CLUL1: variants seen among roughly 807,000 people sequenced by gnomAD.
CLUL1 encodes the protein clusterin like 1, also known as clusterin-like protein 1.
A neutral mutation model predicts 49.4 loss-of-function variants in CLUL1; 43 were observed. The ratio of observed to expected loss-of-function variants is 0.87; its 90% confidence interval spans 0.68 to 1.12. The LOEUF (loss-of-function observed/expected upper bound fraction) is 1.12, where lower values mean the gene tolerates loss of function less well. CLUL1 is among the 50% of genes most tolerant of loss of function. The pLI is 0.00. For missense variants in CLUL1, 486 were observed against 544.4 expected (o/e 0.89, Z 1.07); for synonymous variants, 192 against 184.9 (o/e 1.04, Z -0.31).
intron 6 of CLUL1, among the ~76,000 whole-genome samples, chr18:628,883 T>A (rs577257519): frequency 1.3e-3 from 196 of 152,236 alleles, no homozygotes; most frequent in African/African-American, 4.6e-3. Context: ...TCTGCTCACC[T>A]TGGCTTCCCA....
chr18:601,676 G>A (rs528123237), intron 1 of CLUL1, among the ~76,000 whole-genome samples: 224 of 151,264 alleles, frequency 1.5e-3, no homozygotes, highest in African/African-American at 4.4e-3. Context: ...GGATGTGGTG[G>A]CACATGCCTG....
chr18:635,538 T>C (rs923321395), intron 7 of CLUL1, among the ~76,000 whole-genome samples: 2 of 152,110 alleles, frequency 1.3e-5, no homozygotes, highest in Non-Finnish European at 1.5e-5. Flanking sequence ...TTTTTATAAA[T>C]CAGAATTTAT....
Position 631,076 on chromosome 18 carries a change from G to T in CLUL1, c.857-2222G>T, listed in dbSNP as rs186184065. Among the ~76,000 whole-genome samples, 255 of 152,236 alleles carry T rather than the reference G, an allele frequency of 1.7e-3. 1 individual carries two copies. The highest frequency in any genetic ancestry group is 3.1e-3 in the Non-Finnish European group (210 of 68,016). On this transcript the variant is annotated intron_variant, in intron 6 of 9. Coordinates refer to ENST00000692774, the MANE Select transcript of CLUL1 (RefSeq NM_001393344.1). ...TTCATGGATGGGCCTTATTGGTCAT[G>T]ATTGTTTAAAGGGCCAAAATTAGAA... is the stretch of plus-strand genomic sequence containing the variant.
At chr18:620,826 A>G (rs2073469813) in intron 4 of CLUL1, among the ~76,000 whole-genome samples, 3 of 152,232 alleles carry the variant, frequency 2.0e-5, no homozygotes, top group Admixed American at 2.0e-4. Flanking sequence ...TTGCAGTTTA[A>G]TGACATTAAT....
chr18:645,810 A>AAAAAATTAT (rs1451607900), intron 9 of CLUL1, among the ~76,000 whole-genome samples: 1 of 29,872 alleles, frequency 3.3e-5, no homozygotes, highest in Non-Finnish European at 5.8e-5. Context: ...AAAAAAAAAA[A>AAAAAATTAT]ATATATATAT....
chr18:617,751 TGGC>T, intron 2 of CLUL1, among the ~76,000 whole-genome samples: 1 of 145,224 alleles, frequency 6.9e-6, no homozygotes, highest in Middle Eastern at 3.5e-3. Context: ...GTACTTCACA[TGGC>T]GGGCTTTTTT....
intron 2 of CLUL1, among the ~76,000 whole-genome samples, chr18:613,459 T>A (rs1437298471): frequency 1.2e-5 from 1 of 81,576 alleles, no homozygotes; most frequent in Non-Finnish European, 2.7e-5. Flanking sequence ...TTAGTCTGAA[T>A]TTTTTTTTTT....
intron 9 of CLUL1, among the ~76,000 whole-genome samples, chr18:648,700 A>G (rs1203575921): frequency 6.6e-6 from 1 of 152,202 alleles, no homozygotes; most frequent in Non-Finnish European, 1.5e-5. Context: ...TCTGTTGCCC[A>G]GGCAGGATTG....
intron 7 of CLUL1, among the ~76,000 whole-genome samples, chr18:639,950 A>C (rs1266614871): frequency 6.6e-6 from 1 of 152,162 alleles, no homozygotes; most frequent in Admixed American, 6.5e-5. Flanking sequence ...AAGGTTATGA[A>C]ATTAGATATG....
intron 7 of CLUL1, among the ~76,000 whole-genome samples, chr18:639,550 A>G (rs2074276535): frequency 6.6e-6 from 1 of 151,980 alleles, no homozygotes. Flanking sequence ...CAATCACTTA[A>G]GGCCAGGAGT....
At chr18:645,818 T>A (rs1246445414) in intron 9 of CLUL1, among the ~76,000 whole-genome samples, 1,386 of 42,910 alleles carry the variant, frequency 0.032, 309 homozygotes, top group East Asian at 0.17. Flanking sequence ...AAAATATATA[T>A]ATATATATAT....
chr18:607,187 A>G (rs1294369093), intron 2 of CLUL1, 88 bp downstream of exon 2: 3 of 683,914 alleles, frequency 4.4e-6, no homozygotes, highest in African/African-American at 1.8e-5. Flanking sequence ...GAATGCAGTG[A>G]CACGATCTCA....
intron 6 of CLUL1, among the ~76,000 whole-genome samples, chr18:628,634 TTTTTC>T (rs1207269872): frequency 2.7e-5 from 4 of 149,948 alleles, no homozygotes; most frequent in African/African-American, 1.0e-4. Flanking sequence ...TTCTTTTTCT[TTTTTC>T]TTTTTTTTTT....
intron 7 of CLUL1, among the ~76,000 whole-genome samples, chr18:640,594 C>T (rs1157732052): frequency 6.6e-6 from 1 of 152,122 alleles, no homozygotes; most frequent in African/African-American, 2.4e-5. Context: ...TGAATGCATG[C>T]TGCTCTAGTT....
chr18:645,781 G>A (rs12964715), intron 9 of CLUL1, among the ~76,000 whole-genome samples: 76,800 of 84,062 alleles, frequency 0.91, 34,769 homozygotes, highest in Middle Eastern at 0.94. Flanking sequence ...GCGACAGAGC[G>A]AGACTCTGTT....
At chr18:628,923 A>G (rs1299047886) in intron 6 of CLUL1, among the ~76,000 whole-genome samples, 1 of 147,982 alleles carries the variant, frequency 6.8e-6, no homozygotes, top group Non-Finnish European at 1.5e-5. Context: ...ATGAGCCACC[A>G]CACCCAGCCA....
chr18:617,477 C>T (rs1175065168), intron 2 of CLUL1, among the ~76,000 whole-genome samples: 1 of 151,626 alleles, frequency 6.6e-6, no homozygotes, highest in Non-Finnish European at 1.5e-5. Context: ...GCCTATAATC[C>T]CAGCTACTTG....
chr18:644,823 GC>G, intron 8 of CLUL1, 86 bp from the exon 9 acceptor site: 1 of 1,010,850 alleles, frequency 9.9e-7, no homozygotes, highest in South Asian at 1.8e-5. Context: ...GCACAACCCA[GC>G]CTATCCTGAC....
chr18:639,093 G>A (rs1598441887), intron 7 of CLUL1, among the ~76,000 whole-genome samples: 1 of 151,908 alleles, frequency 6.6e-6, no homozygotes, highest in South Asian at 2.1e-4. Flanking sequence ...TTTACATTTC[G>A]ATTTTTGCAT....
Sources: gnomAD v4.1 joint callset for allele counts (sites outside exome capture counted in the v4.1 genomes callset) on GRCh38, gnomAD v4.1.1 for gene constraint, MANE v1.5 for transcripts, NCBI Gene and HGNC (gene_info 2026-07-23, HGNC 2026-07-21) for gene names.